Variants in ARSB observed in about 807,000 individuals in gnomAD.
ARSB encodes N-acetylgalactosamine-4-sulfatase.
Under a neutral mutation model 50.9 loss-of-function variants are expected in ARSB, and 41 were observed. The observed-to-expected ratio is 0.81, with a 90% CI of 0.63 to 1.04. The LOEUF is 1.04. Among genes scored for constraint, ARSB ranks in the 50% least tolerant of loss-of-function variants. ARSB has a pLI of 0.00. For synonymous variants in ARSB, 269 were observed against 284.8 expected, an observed-to-expected ratio of 0.94 and a Z score of 0.56; for missense variants, 672 against 693.3, an observed-to-expected ratio of 0.97 and a Z score of 0.35.
At chr5:78,898,909 C>T (rs1748685979) in intron 4 of ARSB, among the ~76,000 whole-genome samples, 1 of 152,162 alleles carries the variant, frequency 6.6e-6, no homozygotes, top group South Asian at 2.1e-4. Flanking sequence ...AGGTTTTATA[C>T]TTTGAAAAGT....
intron 5 of ARSB, among the ~76,000 whole-genome samples, chr5:78,869,714 A>G (rs1276101584): frequency 1.3e-5 from 2 of 149,808 alleles, no homozygotes; most frequent in Non-Finnish European, 3.0e-5. Context: ...GAAAGCAGGA[A>G]AGATCCAAAA....
At chr5:78,939,282 CT>C (rs11339765) in intron 4 of ARSB, among the ~76,000 whole-genome samples, 81,349 of 148,256 alleles carry the variant, frequency 0.55, 21,795 homozygotes, top group East Asian at 0.58. Flanking sequence ...CTATGTATTT[CT>C]TTTTTTTTTT....
At chr5:78,869,712 G>A (rs1367937573) in intron 5 of ARSB, among the ~76,000 whole-genome samples, 1 of 149,462 alleles carries the variant, frequency 6.7e-6, no homozygotes, top group Non-Finnish European at 1.5e-5. Flanking sequence ...GAGAAAGCAG[G>A]AAAGATCCAA....
chr5:78,840,891 C>A (rs150797835), intron 5 of ARSB, among the ~76,000 whole-genome samples: 1 of 152,018 alleles, frequency 6.6e-6, no homozygotes, highest in Non-Finnish European at 1.5e-5. Context: ...CCAGGAACTA[C>A]GGTTTGATCC....
intron 5 of ARSB, among the ~76,000 whole-genome samples, chr5:78,846,232 T>C (rs376450292): frequency 6.6e-6 from 1 of 152,294 alleles, no homozygotes; most frequent in East Asian, 1.9e-4. Flanking sequence ...TTTTGTTCCA[T>C]TGGTATATGA....
chr5:78,943,435 T>G (rs1580102323), intron 4 of ARSB, among the ~76,000 whole-genome samples: 1 of 152,348 alleles, frequency 6.6e-6, no homozygotes, highest in East Asian at 1.9e-4. Context: ...CTTTCCATGT[T>G]TAGTGCTTCC....
chr5:78,984,671 C>T (rs1332939957), intron 1 of ARSB, among the ~76,000 whole-genome samples: 3 of 152,128 alleles, frequency 2.0e-5, no homozygotes, highest in African/African-American at 7.2e-5. Context: ...CCCGGAGCTT[C>T]AGAAAACGAA....
chr5:78,971,751 G>A (rs1752462649), intron 1 of ARSB, among the ~76,000 whole-genome samples: 1 of 152,168 alleles, frequency 6.6e-6, no homozygotes, highest in African/African-American at 2.4e-5. Context: ...TATCTTAAGT[G>A]TTAAGTTAAA....
chr5:78,865,969 T>C (rs555390694), intron 5 of ARSB, among the ~76,000 whole-genome samples: 4 of 152,312 alleles, frequency 2.6e-5, no homozygotes, highest in African/African-American at 9.6e-5. Context: ...AACAAATCTC[T>C]AGGAGGTTCC....
At chr5:78,880,963 G>C (rs999378355) in intron 5 of ARSB, among the ~76,000 whole-genome samples, 1 of 152,160 alleles carries the variant, frequency 6.6e-6, no homozygotes, top group Non-Finnish European at 1.5e-5. Flanking sequence ...TGAGCACAAT[G>C]GCTCACACCT....
chr5:78,977,314 T>C lies in ARSB; in HGVS notation c.312+7623A>G, dbSNP rs1752712047. On this transcript the variant is annotated intron_variant, in intron 1 of 7. Coordinates refer to ENST00000264914, the MANE Select transcript of ARSB (RefSeq NM_000046.5). ...GATTACAGGTGCGCACCATCATACC[T>C]GGCTAATTTTTGTATTTTTAGTAGA... 2.0e-5 allele frequency among the ~76,000 whole-genome samples: 3 copies of C among 151,986 alleles called. No homozygotes were observed. In the South Asian group the frequency reaches 6.2e-4, roughly 32 times the overall value.
intron 6 of ARSB, among the ~76,000 whole-genome samples, chr5:78,831,771 G>A (rs1475895974): frequency 1.3e-5 from 2 of 152,184 alleles, no homozygotes; most frequent in Non-Finnish European, 2.9e-5. Flanking sequence ...GCAATGCTGA[G>A]CAATCTGTAG....
At chr5:78,940,252 G>A (rs2112429597) in intron 4 of ARSB, among the ~76,000 whole-genome samples, 1 of 152,296 alleles carries the variant, frequency 6.6e-6, no homozygotes, top group African/African-American at 2.4e-5. Flanking sequence ...TCTGATGGTA[G>A]TTTCTTTTGC....
intron 3 of ARSB, among the ~76,000 whole-genome samples, chr5:78,961,221 G>T (rs1269352150): frequency 6.6e-6 from 1 of 152,076 alleles, no homozygotes; most frequent in East Asian, 1.9e-4. Context: ...TTCAACATCG[G>T]GATAAAATCG....
At chr5:78,813,971 T>C (rs768337371) in intron 6 of ARSB, among the ~76,000 whole-genome samples, 2 of 151,842 alleles carry the variant, frequency 1.3e-5, no homozygotes, top group Non-Finnish European at 2.9e-5. Flanking sequence ...AAAACACAAG[T>C]ACCAAACAGT....
intron 1 of ARSB, among the ~76,000 whole-genome samples, chr5:78,976,222 T>C (rs1752654662): frequency 6.6e-6 from 1 of 151,820 alleles, no homozygotes; most frequent in African/African-American, 2.4e-5. Flanking sequence ...TTTTTACATC[T>C]TTTATATTTG....
rs776814144 is a variant in ARSB, at chr5:78,969,050, C to T, written c.455G>A (p.Arg152Gln). 34 of 1,614,170 alleles carry T rather than the reference C, an allele frequency of 2.1e-5. No homozygotes were observed. The highest frequency in any genetic ancestry group is 3.3e-4 in the Middle Eastern group (2 of 6,062). The change falls in exon 2 of 8, where the codon CGG (arginine) becomes CAG (glutamine). Residue 152 changes from arginine (R) to glutamine (Q), a missense_variant. Physicochemically the swap from Arg to Gln is conservative, Grantham distance 43 (BLOSUM62 1). Transcript: ENST00000264914. Reference sequence around the variant, plus strand: ...TCGGCGGGTTGGAAGGCATTCTTTCCGGTACATTCCCAGGTGCCATTTTCC... The same window carrying T: ...TCGGCGGGTTGGAAGGCATTCTTTCTGGTACATTCCCAGGTGCCATTTTCC... ...MVGKWHLGMYRKECLPTRRGF... is the reference protein window; with the variant it reads ...MVGKWHLGMYQKECLPTRRGF...
At chr5:78,955,635 T>C in intron 3 of ARSB, 133 bp from the exon 4 acceptor site, 1 of 769,798 alleles carries the variant, frequency 1.3e-6, no homozygotes, top group Non-Finnish European at 2.2e-6. Flanking sequence ...AAAGTATTTG[T>C]GAATCACATG....
At chr5:78,781,000 A>C (rs2112617936) in intron 7 of ARSB, among the ~76,000 whole-genome samples, 1 of 152,362 alleles carries the variant, frequency 6.6e-6, no homozygotes, top group South Asian at 2.1e-4. Context: ...CCAGTCAAAA[A>C]AGACTTGTCA....
Sources: gnomAD v4.1 joint callset for allele counts (sites outside exome capture counted in the v4.1 genomes callset) on GRCh38, gnomAD v4.1.1 for gene constraint, MANE v1.5 for transcripts, NCBI Gene and HGNC (gene_info 2026-07-23, HGNC 2026-07-21) for gene names.